Variants in THSD7A observed in about 807,000 individuals in gnomAD.
THSD7A encodes the protein thrombospondin type-1 domain-containing protein 7A.
In THSD7A, 96 loss-of-function variants were observed where a neutral mutation model predicts 231.3. That is an observed-to-expected ratio of 0.41 (90% CI 0.35 to 0.49). THSD7A has a LOEUF of 0.49. Among genes scored for constraint, THSD7A ranks in the 20% least tolerant of loss-of-function variants. The pLI is 0.05. For synonymous variants in THSD7A, 940 were observed against 743.3 expected (o/e 1.26, Z -4.30); for missense variants, 2,290 against 2,070.2 (o/e 1.11, Z -2.06).
At chr7:11,653,198 G>A (rs1453301398) in intron 1 of THSD7A, among the ~76,000 whole-genome samples, 1 of 151,590 alleles carries the variant, frequency 6.6e-6, no homozygotes, top group Non-Finnish European at 1.5e-5. Flanking sequence ...TTGTATTTTT[G>A]TTTAGTTATT....
At chr7:11,788,129 T>C (rs1445100698) in intron 1 of THSD7A, among the ~76,000 whole-genome samples, 2 of 152,060 alleles carry the variant, frequency 1.3e-5, no homozygotes, top group Non-Finnish European at 2.9e-5. Context: ...GTAACTGATC[T>C]TTTGCATCTA....
At chr7:11,445,642 C>G (rs1784943239) in intron 13 of THSD7A, among the ~76,000 whole-genome samples, 1 of 151,980 alleles carries the variant, frequency 6.6e-6, no homozygotes, top group Non-Finnish European at 1.5e-5. Flanking sequence ...TATTGCAAAT[C>G]TTGCCAGTTT....
chr7:11,809,767 A>G (rs1455320909), intron 1 of THSD7A, among the ~76,000 whole-genome samples: 1 of 152,214 alleles, frequency 6.6e-6, no homozygotes, highest in African/African-American at 2.4e-5. Flanking sequence ...TATTTCTTAC[A>G]TACAAATGTT....
chr7:11,431,485 T>C (rs1784476677), intron 13 of THSD7A, among the ~76,000 whole-genome samples: 1 of 152,184 alleles, frequency 6.6e-6, no homozygotes, highest in South Asian at 2.1e-4. Flanking sequence ...GGCACCCTTG[T>C]TGAAAATCAG....
chr7:11,669,326 A>G lies in THSD7A; in HGVS notation c.191-32365T>C, dbSNP rs1018653455. Among the ~76,000 whole-genome samples, 8 of 152,164 alleles carry G rather than the reference A, an allele frequency of 5.3e-5. 1 individual carries two copies. The highest frequency in any genetic ancestry group is 2.0e-4 in the Admixed American group (3 of 15,276). On this transcript the variant is annotated intron_variant, in intron 1 of 27. Transcript: ENST00000423059. Reference sequence around the variant, plus strand: ...TAAAAATACTTTTTTTCGGACATCAATATTTAAATCATTAATTTAATATAT... The same window carrying G: ...TAAAAATACTTTTTTTCGGACATCAGTATTTAAATCATTAATTTAATATAT...
At chr7:11,582,274 CAAT>C (rs1267200974) in intron 4 of THSD7A, among the ~76,000 whole-genome samples, 1 of 151,272 alleles carries the variant, frequency 6.6e-6, no homozygotes, top group African/African-American at 2.4e-5. Context: ...CATAAGTATA[CAAT>C]AATATATTAA....
intron 4 of THSD7A, among the ~76,000 whole-genome samples, chr7:11,547,009 T>A (rs1789427829): frequency 6.6e-6 from 1 of 152,076 alleles, no homozygotes; most frequent in Non-Finnish European, 1.5e-5. Flanking sequence ...AAAAATAATG[T>A]AAACAAATTA....
chr7:11,693,776 T>C (rs1780306159), intron 1 of THSD7A, among the ~76,000 whole-genome samples: 1 of 151,506 alleles, frequency 6.6e-6, no homozygotes, highest in African/African-American at 2.4e-5. Context: ...ATGCAGCAGG[T>C]GCATGTACCA....
At chr7:11,724,029 G>A (rs1417711175) in intron 1 of THSD7A, among the ~76,000 whole-genome samples, 1 of 151,866 alleles carries the variant, frequency 6.6e-6, no homozygotes, top group Non-Finnish European at 1.5e-5. Context: ...AACAACGCAG[G>A]CAAGAACTTA....
chr7:11,605,929 C>T (rs931652267), intron 2 of THSD7A, among the ~76,000 whole-genome samples: 2 of 152,148 alleles, frequency 1.3e-5, no homozygotes, highest in African/African-American at 4.8e-5. Context: ...CTAAGCCCAG[C>T]TCCAGAACAT....
intron 1 of THSD7A, among the ~76,000 whole-genome samples, chr7:11,800,594 T>A (rs1200106843): frequency 1.3e-5 from 2 of 152,152 alleles, no homozygotes; most frequent in Non-Finnish European, 2.9e-5. Flanking sequence ...TGGATGTACA[T>A]ATTGGACATT....
chr7:11,650,814 T>TTTTGG (rs1441850797), intron 1 of THSD7A, among the ~76,000 whole-genome samples: 1 of 151,334 alleles, frequency 6.6e-6, no homozygotes, highest in East Asian at 1.9e-4. Flanking sequence ...ATTTGTTTTG[T>TTTTGG]TTTGTTTTGT....
Position 11,613,775 on chromosome 7 carries a change from C to G in THSD7A, c.1023-20273G>C, listed in dbSNP as rs574830434. Among the ~76,000 whole-genome samples the G allele has an allele frequency of 2.6e-5, 4 of 152,324 alleles. No homozygotes were observed. In the East Asian group the frequency reaches 7.7e-4, roughly 29 times the overall value. ...GATCAGCAGTAAATTGAGCACTGAA[C>G]TCTTTTGTCCTAGAAGGGGTAGTAG... is the stretch of plus-strand genomic sequence containing the variant. On this transcript the variant is annotated intron_variant, in intron 2 of 27. Transcript: ENST00000423059.
chr7:11,774,615 G>C (rs1033205218), intron 1 of THSD7A, among the ~76,000 whole-genome samples: 3 of 152,022 alleles, frequency 2.0e-5, no homozygotes, highest in African/African-American at 7.3e-5. Flanking sequence ...GTATGCCTAT[G>C]TTCAAACTAT....
At chr7:11,548,992 T>G (rs1161172046) in intron 4 of THSD7A, among the ~76,000 whole-genome samples, 2 of 152,080 alleles carry the variant, frequency 1.3e-5, no homozygotes, top group Admixed American at 6.6e-5. Context: ...GAGAAAAGTT[T>G]TGCAATCTAT....
At chr7:11,642,124 A>G (rs1444182059) in intron 1 of THSD7A, among the ~76,000 whole-genome samples, 1 of 152,186 alleles carries the variant, frequency 6.6e-6, no homozygotes, top group Non-Finnish European at 1.5e-5. Context: ...TGCAAACTCT[A>G]TCAAGGAAAA....
At chr7:11,396,158 G>GA (rs1268686739) in intron 23 of THSD7A, among the ~76,000 whole-genome samples, 1 of 152,162 alleles carries the variant, frequency 6.6e-6, no homozygotes, top group African/African-American at 2.4e-5. Context: ...TGTTTAGAGG[G>GA]AAATTTATAG....
chr7:11,520,555 C>T (rs1225950980), intron 6 of THSD7A, among the ~76,000 whole-genome samples: 1 of 151,928 alleles, frequency 6.6e-6, no homozygotes, highest in African/African-American at 2.4e-5. Context: ...TTGCATATGC[C>T]ACAGTATCAT....
At chr7:11,773,416 G>A (rs1783299325) in intron 1 of THSD7A, among the ~76,000 whole-genome samples, 1 of 152,078 alleles carries the variant, frequency 6.6e-6, no homozygotes, top group Non-Finnish European at 1.5e-5. Context: ...TGTGACCCCA[G>A]CTACTCGGGA....
Sources: gnomAD v4.1 joint callset for allele counts (sites outside exome capture counted in the v4.1 genomes callset) on GRCh38, gnomAD v4.1.1 for gene constraint, MANE v1.5 for transcripts, NCBI Gene and HGNC (gene_info 2026-07-23, HGNC 2026-07-21) for gene names.